Variants in ZNF385D observed in about 807,000 individuals in gnomAD.
ZNF385D encodes zinc finger protein 659.
Under a neutral mutation model 35.8 loss-of-function variants are expected in ZNF385D, and 15 were observed. The ratio of observed to expected loss-of-function variants is 0.42; its 90% CI spans 0.28 to 0.64. The LOEUF is 0.64. Among genes scored for constraint, ZNF385D ranks in the 30% least tolerant of loss-of-function variants. ZNF385D has a pLI of 0.23. For synonymous variants in ZNF385D, 212 were observed against 186.8 expected, an observed-to-expected ratio of 1.13 and a Z score of -1.10; for missense variants, 474 against 494.6, an observed-to-expected ratio of 0.96 and a Z score of 0.39.
At chr3:21,774,811 G>A (rs2071220638) in intron 3 of ZNF385D, among the ~76,000 whole-genome samples, 1 of 151,820 alleles carries the variant, frequency 6.6e-6, no homozygotes, top group Non-Finnish European at 1.5e-5. Context: ...CCAGCTTAGG[G>A]GAAAAGTTAA....
intron 4 of ZNF385D, among the ~76,000 whole-genome samples, chr3:21,451,382 A>C (rs1702450050): frequency 6.6e-6 from 1 of 152,256 alleles, no homozygotes; most frequent in East Asian, 1.9e-4. Flanking sequence ...TGCAAGATGT[A>C]TGTTACATAG....
At chr3:22,058,983 T>A (rs1220943586) in intron 3 of ZNF385D, among the ~76,000 whole-genome samples, 3 of 152,136 alleles carry the variant, frequency 2.0e-5, no homozygotes, top group Non-Finnish European at 4.4e-5. Flanking sequence ...TCAGGGAGAT[T>A]AATTTCAATC....
chr3:21,588,601 T>G (rs2063881828), intron 2 of ZNF385D, among the ~76,000 whole-genome samples: 1 of 152,072 alleles, frequency 6.6e-6, no homozygotes, highest in African/African-American at 2.4e-5. Context: ...ATAGAAACAT[T>G]AAAAATAATT....
chr3:22,135,180 A>T (rs536309927), intron 3 of ZNF385D, among the ~76,000 whole-genome samples: 1 of 152,140 alleles, frequency 6.6e-6, no homozygotes, highest in Non-Finnish European at 1.5e-5. Flanking sequence ...CAAATTGAAA[A>T]GAAACAAAAT....
rs183068680 is a variant in ZNF385D, at chr3:22,109,150, T to G, written c.325+59667A>C. Among the ~76,000 whole-genome samples, 10 of 152,326 alleles carry G rather than the reference T, an allele frequency of 6.6e-5. 1 individual carries two copies. The highest frequency in any genetic ancestry group is 2.4e-4 in the African/African-American group (10 of 41,590). On this transcript the variant is annotated intron_variant, in intron 3 of 5. Transcript: ENST00000494108. Reference sequence around the variant, plus strand: ...AGGGAAGGAAACCATATTTGACTTCTGCTCCTTCAAGCTGCAGATAACTAA... The same window carrying G: ...AGGGAAGGAAACCATATTTGACTTCGGCTCCTTCAAGCTGCAGATAACTAA...
chr3:21,552,391 G>A (rs953263804), intron 3 of ZNF385D, among the ~76,000 whole-genome samples: 2 of 152,194 alleles, frequency 1.3e-5, no homozygotes, highest in Admixed American at 1.3e-4. Flanking sequence ...AACATTTCCA[G>A]TACATGAGTT....
intron 2 of ZNF385D, among the ~76,000 whole-genome samples, chr3:22,170,709 C>T (rs901082377): frequency 6.6e-6 from 1 of 151,898 alleles, no homozygotes; most frequent in East Asian, 1.9e-4. Context: ...ATCAGCTTTC[C>T]TTATTTTATA....
intron 2 of ZNF385D, among the ~76,000 whole-genome samples, chr3:22,261,092 T>TATCC (rs151146640): frequency 0.024 from 3,563 of 150,668 alleles, 69 homozygotes; most frequent in Admixed American, 0.068. Context: ...TACAACTATC[T>TATCC]ATCCATCCAT....
At chr3:21,982,452 G>A (rs1422471112) in intron 3 of ZNF385D, among the ~76,000 whole-genome samples, 2 of 152,140 alleles carry the variant, frequency 1.3e-5, no homozygotes, top group East Asian at 1.9e-4. Context: ...TAACTTTGCT[G>A]AAGTTGTTTA....
intron 2 of ZNF385D, among the ~76,000 whole-genome samples, chr3:22,295,748 T>C (rs1448120991): frequency 6.6e-6 from 1 of 152,094 alleles, no homozygotes; most frequent in Non-Finnish European, 1.5e-5. Flanking sequence ...GGCACAAATT[T>C]AATATTTTTT....
At chr3:22,183,282 T>G (rs1023352508) in intron 2 of ZNF385D, among the ~76,000 whole-genome samples, 3 of 152,214 alleles carry the variant, frequency 2.0e-5, no homozygotes, top group African/African-American at 7.2e-5. Context: ...AAAATTATCT[T>G]AAAGGTAACA....
intron 3 of ZNF385D, among the ~76,000 whole-genome samples, chr3:21,786,463 T>C (rs542853048): frequency 3.7e-4 from 57 of 152,308 alleles, no homozygotes; most frequent in African/African-American, 1.3e-3. Flanking sequence ...AAATGGGATA[T>C]AGTGCCTCCA....
chr3:21,533,625 C>T (rs986362504), intron 3 of ZNF385D, among the ~76,000 whole-genome samples: 3 of 151,936 alleles, frequency 2.0e-5, no homozygotes, highest in Non-Finnish European at 2.9e-5. Context: ...TTAGGTCAAG[C>T]CTGCATTTAT....
intron 3 of ZNF385D, among the ~76,000 whole-genome samples, chr3:22,043,212 T>C (rs747178622): frequency 1.8e-4 from 28 of 152,142 alleles, no homozygotes; most frequent in Non-Finnish European, 2.9e-4. Context: ...AATGATGTAA[T>C]CATGGCTAGA....
At chr3:21,659,388 A>G (rs2066167930) in intron 2 of ZNF385D, among the ~76,000 whole-genome samples, 1 of 152,170 alleles carries the variant, frequency 6.6e-6, no homozygotes, top group Non-Finnish European at 1.5e-5. Flanking sequence ...TGTTTTCCTC[A>G]GCAACATTTT....
chr3:21,792,503 C>G (rs1025541189), intron 3 of ZNF385D, among the ~76,000 whole-genome samples: 10 of 152,174 alleles, frequency 6.6e-5, no homozygotes, highest in Non-Finnish European at 1.5e-4. Context: ...CGCTGGAGAC[C>G]ATCTGCCATG....
chr3:22,071,043 T>C (rs10510525), intron 3 of ZNF385D, among the ~76,000 whole-genome samples: 15,050 of 152,140 alleles, frequency 0.099, 934 homozygotes, highest in African/African-American at 0.18. Context: ...AATAAAAATA[T>C]TGATGCACTG....
chr3:21,753,789 T>TTGTTGTTGTG (rs1553653025), upstream of ZNF385D, among the ~76,000 whole-genome samples: 444 of 124,724 alleles, frequency 3.6e-3, 1 homozygote, highest in Non-Finnish European at 5.3e-3. Context: ...GTTGTTGTTG[T>TTGTTGTTGTG]TGTGTGTGTG....
At chr3:22,137,705 C>G (rs1314352579) in intron 3 of ZNF385D, among the ~76,000 whole-genome samples, 4 of 152,106 alleles carry the variant, frequency 2.6e-5, no homozygotes, top group Admixed American at 2.6e-4. Context: ...AAACCCACGG[C>G]CAATATCATA....
Sources: allele counts gnomAD v4.1 joint callset (sites outside exome capture counted in the v4.1 genomes callset), GRCh38; gene constraint gnomAD v4.1.1; transcripts MANE v1.5; gene names NCBI Gene and HGNC (gene_info 2026-07-23, HGNC 2026-07-21).